Variants in TDRD7 observed in about 807,000 individuals in gnomAD.
TDRD7 encodes tudor domain containing 7.
Under a neutral mutation model 109.8 loss-of-function variants are expected in TDRD7, and 47 were observed. The ratio of observed to expected loss-of-function variants is 0.43; its 90% CI spans 0.34 to 0.55. TDRD7 has a LOEUF of 0.55. Ranked by LOEUF, TDRD7 falls within the 20% of genes least tolerant of loss-of-function variation. TDRD7 has a pLI of 0.03. For missense variants in TDRD7, 1,164 were observed against 1,319.2 expected, an observed-to-expected ratio of 0.88 and a Z score of 1.82; for synonymous variants, 424 against 457.3, an observed-to-expected ratio of 0.93 and a Z score of 0.93.
At chr9:97,449,626 C>T (rs1337565246) in intron 6 of TDRD7, among the ~76,000 whole-genome samples, 2 of 152,170 alleles carry the variant, frequency 1.3e-5, no homozygotes, top group African/African-American at 4.8e-5. Context: ...CCAAACCTGT[C>T]ATCTTGGGGT....
chr9:97,475,312 G>A lies in TDRD7; in HGVS notation c.2080-71G>A, dbSNP rs1171396927. 4.0e-6 allele frequency: 5 copies of A among 1,257,494 alleles called. No individual in the cohort carries two copies. In the Admixed American group the frequency reaches 5.3e-5, roughly 13 times the overall value. 77.9% of individuals were successfully genotyped at this position (1,257,494 alleles called of 1,614,324 possible). On this transcript the variant is annotated intron_variant, in intron 11 of 16. Transcript: ENST00000355295. ...AAGTCTGCCAGTGCCACAGCGATCTGTTTTTCTAATGGTGTAGCAATATGC... is the reference window on the plus strand; with the variant it reads ...AAGTCTGCCAGTGCCACAGCGATCTATTTTTCTAATGGTGTAGCAATATGC...
chr9:97,492,716 T>C (rs1437223852), intron 16 of TDRD7, among the ~76,000 whole-genome samples: 1 of 152,220 alleles, frequency 6.6e-6, no homozygotes, highest in Non-Finnish European at 1.5e-5. Context: ...TTTTCTAGGC[T>C]CACCTCTGCC....
chr9:97,431,269 A>G (rs1025477682), intron 3 of TDRD7, among the ~76,000 whole-genome samples, 195 bp downstream of exon 3: 1 of 152,206 alleles, frequency 6.6e-6, no homozygotes, highest in Admixed American at 6.5e-5. Context: ...TACTAAGTGA[A>G]GTAATTACAC....
Position 97,496,013 on chromosome 9 carries a change from T to C in TDRD7, c.*130T>C, listed in dbSNP as rs562023726. 1.8e-4 allele frequency: 135 copies of C among 742,112 alleles called. No homozygotes were observed. The highest frequency in any genetic ancestry group is 1.7e-3 in the African/African-American group (98 of 56,828). The allele number at this position is 742,112 out of a possible 1,614,324, so 46.0% of individuals were successfully genotyped here. Reference sequence around the variant, plus strand: ...TGGGGGATTGAAAAGAATATGCTTATGTTTGATGAAAGATATTTAACAAGT... The same window carrying C: ...TGGGGGATTGAAAAGAATATGCTTACGTTTGATGAAAGATATTTAACAAGT... On this transcript the variant is annotated 3_prime_UTR_variant, in exon 17 of 17. Transcript: ENST00000355295.
rs772101100 is a variant in TDRD7, at chr9:97,460,480, T to C, written c.1158T>C (p.Asp386=). Residue 386 remains aspartate, a synonymous_variant, in exon 7 of 17, where the codon GAT becomes GAC. Transcript: ENST00000355295. The part of the protein sequence containing the change: ...DALKNLASLS[D]VCSIDYISGN... ...TAAAAAATCTTGCCTCACTTTCTGA[T>C]GTATGCAGCATAGACTACATTTCTG... 3.7e-6 allele frequency: 6 copies of C among 1,614,214 alleles called. No homozygotes were observed. The highest frequency in any genetic ancestry group is 4.2e-6 in the Non-Finnish European group (5 of 1,180,036).
Position 97,480,957 on chromosome 9 carries a change from C to T in TDRD7, c.2412+19C>T, listed in dbSNP as rs1350109242. The T allele has an allele frequency of 1.1e-5, 17 of 1,601,216 alleles. No homozygotes were observed. Among genetic ancestry groups the T allele is most frequent in the Non-Finnish European group, 1.5e-5 (17 of 1,168,376 alleles). ...CATTAAGGTTAGCTATCTTGTTGGG[C>T]CTGATACATTTAGAAAGGGAGCTGG... On this transcript the variant is annotated intron_variant, in intron 14 of 16. Coordinates refer to ENST00000355295, the MANE Select transcript of TDRD7 (RefSeq NM_014290.3).
chr9:97,446,146 A>G (rs771213091), intron 6 of TDRD7, among the ~76,000 whole-genome samples: 1 of 152,172 alleles, frequency 6.6e-6, no homozygotes, highest in African/African-American at 2.4e-5. Flanking sequence ...AAATCCTGCA[A>G]CAATGACTGC....
intron 6 of TDRD7, 148 bp downstream of exon 6, chr9:97,442,023 T>C (rs1828315547): frequency 1.4e-6 from 1 of 721,522 alleles, no homozygotes; most frequent in African/African-American, 1.8e-5. Context: ...AAGATTAACA[T>C]ATGTCAGTTC....
chr9:97,428,018 G>A (rs1833813825), intron 1 of TDRD7, among the ~76,000 whole-genome samples: 1 of 152,100 alleles, frequency 6.6e-6, no homozygotes, highest in South Asian at 2.1e-4. Context: ...TCAGCTTGGA[G>A]TCTTTGTTCA....
At chr9:97,416,337 C>T (rs919272362) in intron 1 of TDRD7, among the ~76,000 whole-genome samples, 4 of 152,190 alleles carry the variant, frequency 2.6e-5, no homozygotes, top group South Asian at 4.1e-4. Context: ...AGAAAAATTT[C>T]GTGAAACCTC....
chr9:97,455,566 AC>A (rs1448672733), intron 6 of TDRD7, among the ~76,000 whole-genome samples: 1 of 152,256 alleles, frequency 6.6e-6, no homozygotes, highest in African/African-American at 2.4e-5. Context: ...AGAACCAAAG[AC>A]AAAAACCACA....
At chr9:97,444,610 C>G (rs1169276111) in intron 6 of TDRD7, among the ~76,000 whole-genome samples, 1 of 152,166 alleles carries the variant, frequency 6.6e-6, no homozygotes, top group Non-Finnish European at 1.5e-5. Flanking sequence ...TAGGATAAGA[C>G]AGAACTTGGT....
chr9:97,493,808 A>G (rs1829345473), intron 16 of TDRD7, among the ~76,000 whole-genome samples: 1 of 152,230 alleles, frequency 6.6e-6, no homozygotes. Flanking sequence ...GAGAAAAAGA[A>G]TTCAGCGATA....
In TDRD7 at chr9:97,473,598, G is replaced by C; in HGVS notation, c.2051G>C (p.Arg684Pro). 1 of 1,613,738 alleles carries C rather than the reference G, an allele frequency of 6.2e-7. No individual in the cohort carries two copies. Among genetic ancestry groups the C allele is most frequent in the South Asian group, 1.1e-5 (1 of 91,078 alleles). ...CTGAACAAGCTCAGTGACCTTCTACGTAAGATAGAGGACTACTTCCATTGC... is the reference window on the plus strand; with the variant it reads ...CTGAACAAGCTCAGTGACCTTCTACCTAAGATAGAGGACTACTTCCATTGC... ...KGLNKLSDLL[R>P]KIEDYFHCKH... The change falls in exon 11 of 17, where the codon CGT (arginine) becomes CCT (proline). Residue 684 changes from arginine to proline, a missense_variant. Physicochemically the swap from Arg to Pro is moderately radical, Grantham distance 103. Transcript: ENST00000355295.
chr9:97,463,542 A>G (rs1828767432), intron 7 of TDRD7, among the ~76,000 whole-genome samples: 1 of 152,158 alleles, frequency 6.6e-6, no homozygotes. Context: ...CAATACAAAG[A>G]ACAAGGTTCT....
At chr9:97,446,311 A>G (rs1039431453) in intron 6 of TDRD7, among the ~76,000 whole-genome samples, 6 of 152,322 alleles carry the variant, frequency 3.9e-5, no homozygotes, top group Admixed American at 3.3e-4. Flanking sequence ...AGATGCACTC[A>G]GCTAAGGAGA....
intron 4 of TDRD7, among the ~76,000 whole-genome samples, chr9:97,434,884 G>T (rs1275543457): frequency 6.6e-6 from 1 of 152,124 alleles, no homozygotes; most frequent in Admixed American, 6.6e-5. Flanking sequence ...GATCTCAAGG[G>T]AATCATGCTG....
intron 16 of TDRD7, among the ~76,000 whole-genome samples, chr9:97,488,094 T>C (rs979358728): frequency 1.3e-5 from 2 of 152,230 alleles, no homozygotes; most frequent in African/African-American, 4.8e-5. Flanking sequence ...CTAATGAGAC[T>C]TCCCTTTTAT....
Position 97,412,377 on chromosome 9 carries a change from C to G in TDRD7, c.-7+139C>G, listed in dbSNP as rs1827730216. 1 of 152,236 alleles carries G rather than the reference C, an allele frequency of 6.6e-6. No homozygotes were observed. The highest frequency in any genetic ancestry group is 1.5e-5 in the Non-Finnish European group (1 of 68,070). The allele number at this position is 152,236 out of a possible 1,614,324, so 9.4% of individuals were successfully genotyped here. On this transcript the variant is annotated intron_variant, in intron 1 of 16. Coordinates refer to ENST00000355295, the MANE Select transcript of TDRD7 (RefSeq NM_014290.3). This position sits in a 1 kb window ranked among gnomAD's most constrained non-coding sequence, Gnocchi z 4.3. ...GGCTCCAACAGGCTCGGGGCCTTTT[C>G]CCTGCAGCCGCAGGGGATTGCCCCC...
Sources: gnomAD v4.1 joint callset for allele counts (sites outside exome capture counted in the v4.1 genomes callset) on GRCh38, gnomAD v4.1.1 for gene constraint, Gnocchi (gnomAD v3.1) non-coding constraint, MANE v1.5 for transcripts, NCBI Gene and HGNC (gene_info 2026-07-23, HGNC 2026-07-21) for gene names.